The following ALS2 variants were observed in gnomAD, a reference collection of about 807,000 sequenced individuals.
The protein encoded by ALS2 is alsin.
A neutral mutation model predicts 203.4 loss-of-function variants in ALS2; 117 were observed. The observed-to-expected ratio is 0.58, with a 90% CI of 0.50 to 0.67. The LOEUF (loss-of-function observed/expected upper bound fraction) is 0.67. Ranked by LOEUF, ALS2 falls within the 30% of genes least tolerant of loss-of-function variation. The probability of loss-of-function intolerance (pLI) is 0.00; values close to 1 mark genes in which losing one functional copy is unlikely to be tolerated. For missense variants in ALS2, 1,715 were observed against 1,989.4 expected, an observed-to-expected ratio of 0.86 and a Z score of 2.62; for synonymous variants, 718 against 725.9, an observed-to-expected ratio of 0.99 and a Z score of 0.17.
At chr2:201,727,075 T>C in intron 17 of ALS2, 137 bp downstream of exon 17, 1 of 966,072 alleles carries the variant, frequency 1.0e-6, no homozygotes, top group Non-Finnish European at 1.6e-6. Flanking sequence ...GAACCTACAG[T>C]TTTGGGTTAA....
Position 201,746,887 on chromosome 2 carries a change from T to C in ALS2, c.1816-139A>G, listed in dbSNP as rs1409658127. On this transcript the variant is annotated intron_variant, in intron 8 of 33. Transcript: ENST00000264276. ...ATCTGAGAGCAAACTTACCCAGCAATTTGCCCAATCAAATGCAGAGCAGGT... is the reference window on the plus strand; with the variant it reads ...ATCTGAGAGCAAACTTACCCAGCAACTTGCCCAATCAAATGCAGAGCAGGT... 3 of 909,534 alleles carry C rather than the reference T, an allele frequency of 3.3e-6. No individual in the cohort carries two copies. In the African/African-American group the frequency reaches 4.9e-5, roughly 15 times the overall value. The allele number at this position is 909,534 out of a possible 1,614,324, so 56.3% of individuals were successfully genotyped here. A position where few individuals can be genotyped will look rare whatever the true frequency, so the allele number is the denominator to read the frequency against.
chr2:201,703,327 G>C (rs1689498899), intron 33 of ALS2, among the ~76,000 whole-genome samples: 1 of 151,842 alleles, frequency 6.6e-6, no homozygotes, highest in African/African-American at 2.4e-5. Flanking sequence ...CCAATACTTT[G>C]TTTTACCATT....
chr2:201,767,262 G>A lies in ALS2; in HGVS notation c.142C>T (p.Leu48Phe). ...WGGKTVLQAA[L>F]GVKHGVLLTE... ...AGAAGAACTCCATGTTTCACTCCGA[G>A]GGCTGCCTGCAAAACAGTCTTTCCT... is the stretch of plus-strand genomic sequence containing the variant. Residue 48 changes from leucine to phenylalanine, a missense_variant, in exon 3 of 34, where the codon CTC becomes TTC. Physicochemically the swap from Leu to Phe is conservative, Grantham distance 22. Coordinates refer to ENST00000264276, the MANE Select transcript of ALS2 (RefSeq NM_020919.4). The A allele has an allele frequency of 6.2e-7, 1 of 1,614,036 alleles. No individual in the cohort carries two copies.
In ALS2 at chr2:201,704,612, G is replaced by C. The variant is rs1689588902; in HGVS notation, c.4689-9C>G. Reference sequence around the variant, plus strand: ...ATGGGGTAAATGTTGTGCTGTTACAGAAACAATGACAAAAAGACATCCTAT... The same window carrying C: ...ATGGGGTAAATGTTGTGCTGTTACACAAACAATGACAAAAAGACATCCTAT... On this transcript the variant is annotated splice_polypyrimidine_tract_variant and intron_variant, in intron 31 of 33. Coordinates refer to ENST00000264276, the MANE Select transcript of ALS2 (RefSeq NM_020919.4). The C allele has an allele frequency of 6.2e-7, 1 of 1,613,942 alleles. No homozygotes were observed. Among genetic ancestry groups the C allele is most frequent in the Non-Finnish European group, 8.5e-7 (1 of 1,179,964 alleles).
chr2:201,721,812 C>T (rs557260461), intron 23 of ALS2, among the ~76,000 whole-genome samples: 3 of 152,092 alleles, frequency 2.0e-5, no homozygotes, highest in South Asian at 2.1e-4. Flanking sequence ...TACAGGTGCC[C>T]GCCACCACGC....
chr2:201,766,462 A>G (rs1390365917), intron 3 of ALS2, among the ~76,000 whole-genome samples: 5 of 151,598 alleles, frequency 3.3e-5, no homozygotes, highest in Admixed American at 6.6e-5. Context: ...CCTGGCCAAC[A>G]TGGTGAAACC....
At chr2:201,754,802 C>T in intron 5 of ALS2, 131 bp from the exon 6 acceptor site, 1 of 989,260 alleles carries the variant, frequency 1.0e-6, no homozygotes, top group Non-Finnish European at 1.5e-6. Context: ...TCTAGAGGCT[C>T]TCTGTAGAAA....
intron 16 of ALS2, 22 bp downstream of exon 16, chr2:201,727,683 T>TGGGGCGGGGGGGGGGG: frequency 1.1e-6 from 1 of 951,270 alleles, no homozygotes; most frequent in Non-Finnish European, 1.5e-6. Context: ...CGGGGTGGGG[T>TGGGGCGGGGGGGGGGG]GGGGAGGGGG....
chr2:201,760,135 C>T, intron 4 of ALS2: 1 of 593,282 alleles, frequency 1.7e-6, no homozygotes, highest in South Asian at 7.5e-5. Flanking sequence ...TGAGCCTGGG[C>T]AACAGGCTCT....
At chr2:201,740,791 ATTATCT>A (rs1432537588) in intron 11 of ALS2, among the ~76,000 whole-genome samples, 2 of 152,182 alleles carry the variant, frequency 1.3e-5, no homozygotes, top group African/African-American at 4.8e-5. Flanking sequence ...GTGATTTTTG[ATTATCT>A]TTATTTGTGC....
At chr2:201,741,282 G>A in intron 11 of ALS2, 1 of 201,430 alleles carries the variant, frequency 5.0e-6, no homozygotes, top group Non-Finnish European at 1.0e-5. Flanking sequence ...GCAGACATCA[G>A]AACAGCTCCA....
rs1362936107 is a variant in ALS2, at chr2:201,715,655, A to T, written c.4004+17T>A. 6.2e-7 allele frequency: 1 copy of T among 1,613,832 alleles called. No homozygotes were observed. Among genetic ancestry groups the T allele is most frequent in the Non-Finnish European group, 8.5e-7 (1 of 1,179,716 alleles). On this transcript the variant is annotated intron_variant, in intron 25 of 33. Transcript: ENST00000264276. Reference sequence around the variant, plus strand: ...TCCTAACATGCTCTGCTGTATGTTGAGCAGGTGTTCACTCACCTGTCTCTG... The same window carrying T: ...TCCTAACATGCTCTGCTGTATGTTGTGCAGGTGTTCACTCACCTGTCTCTG...
chr2:201,724,618 G>A (rs41308842), intron 20 of ALS2, among the ~76,000 whole-genome samples, 159 bp from the exon 21 acceptor site: 3 of 151,884 alleles, frequency 2.0e-5, no homozygotes, highest in East Asian at 3.9e-4. Context: ...CCTCATTTTC[G>A]AATGATTAAA....
chr2:201,738,129 A>C (rs1004406860), intron 12 of ALS2, among the ~76,000 whole-genome samples: 3 of 152,082 alleles, frequency 2.0e-5, no homozygotes, highest in South Asian at 4.1e-4. Context: ...GTGAGACCCT[A>C]TCTCTTCTAT....
At chr2:201,705,078 A>G (rs932493342) in intron 31 of ALS2, 61 bp downstream of exon 31, 1 of 1,452,026 alleles carries the variant, frequency 6.9e-7, no homozygotes, top group South Asian at 1.2e-5. Context: ...CATATTAATA[A>G]TATCTTAATA....
chr2:201,735,414 A>T (rs1691815133), intron 12 of ALS2, among the ~76,000 whole-genome samples: 1 of 152,248 alleles, frequency 6.6e-6, no homozygotes, highest in Admixed American at 6.5e-5. Flanking sequence ...TTGCATAATA[A>T]TCAAACCACC....
At chr2:201,725,535 T>G in intron 19 of ALS2, 81 bp from the exon 20 acceptor site, 1 of 1,151,952 alleles carries the variant, frequency 8.7e-7, no homozygotes, top group Non-Finnish European at 1.3e-6. Flanking sequence ...TGGTAAACAT[T>G]TTAACAAGGA....
At position 201,715,718 on chromosome 2, in the gene ALS2, T is replaced by TG; in HGVS notation, c.3957dup (p.Asn1320GlnfsTer47). The TG allele has an allele frequency of 3.7e-6, 6 of 1,614,238 alleles. No homozygotes were observed. Among genetic ancestry groups the TG allele is most frequent in the Non-Finnish European group, 5.1e-6 (6 of 1,180,042 alleles). On this transcript the variant is annotated frameshift_variant, in exon 25 of 34. Coordinates refer to ENST00000264276, the MANE Select transcript of ALS2 (RefSeq NM_020919.4). LOFTEE classifies it high-confidence loss of function. The stretch of plus-strand genomic sequence containing the variant: ...CTGGTGGTCAAGGCCACAGCAATAT[T>TG]GTCCCATGCTTTCCAAACTTCCCCT...
intron 5 of ALS2, among the ~76,000 whole-genome samples, chr2:201,756,543 A>T (rs922022603): frequency 6.6e-6 from 1 of 152,116 alleles, no homozygotes; most frequent in Non-Finnish European, 1.5e-5. Flanking sequence ...ATGGCCAAAC[A>T]GGGCCTACCA....
Sources: allele counts gnomAD v4.1 joint callset (sites outside exome capture counted in the v4.1 genomes callset), GRCh38; gene constraint gnomAD v4.1.1; transcripts MANE v1.5; gene names NCBI Gene and HGNC (gene_info 2026-07-23, HGNC 2026-07-21).